Variants in LRRTM4 observed in about 807,000 individuals in gnomAD.
The protein encoded by LRRTM4 is leucine-rich repeat transmembrane neuronal protein 4.
LRRTM4 carries 25 observed loss-of-function variants against 47.6 expected under a neutral mutation model. The ratio of observed to expected loss-of-function variants is 0.53; its 90% CI spans 0.38 to 0.73. The LOEUF (loss-of-function observed/expected upper bound fraction) is 0.73, where lower values mean the gene tolerates loss of function less well. Ranked by LOEUF, LRRTM4 falls within the 30% of genes least tolerant of loss-of-function variation. The pLI is 0.00. For synonymous variants in LRRTM4, 311 were observed against 269.5 expected (o/e 1.15, Z -1.51); for missense variants, 638 against 713.4 (o/e 0.89, Z 1.20).
At chr2:76,959,217 A>T (rs541619306) in intron 3 of LRRTM4, among the ~76,000 whole-genome samples, 20 of 151,836 alleles carry the variant, frequency 1.3e-4, no homozygotes, top group African/African-American at 4.8e-4. Context: ...TCTTGGTAAG[A>T]TGTCAAATTT....
intron 3 of LRRTM4, among the ~76,000 whole-genome samples, chr2:77,045,998 T>C (rs1679222996): frequency 1.3e-5 from 2 of 152,008 alleles, no homozygotes; most frequent in African/African-American, 4.8e-5. Context: ...CTTTTTCTTT[T>C]AATTATATTA....
At chr2:76,913,309 A>AT (rs1041879785) in intron 3 of LRRTM4, among the ~76,000 whole-genome samples, 14 of 148,656 alleles carry the variant, frequency 9.4e-5, no homozygotes, top group South Asian at 2.1e-4. Context: ...ATTACTGGGT[A>AT]TTTTTTTTTC....
At chr2:76,781,714 C>A (rs1347665777) in intron 3 of LRRTM4, among the ~76,000 whole-genome samples, 2 of 152,072 alleles carry the variant, frequency 1.3e-5, no homozygotes, top group African/African-American at 4.8e-5. Context: ...CACCCGTCCT[C>A]TGCGTCGCTC....
chr2:77,183,223 C>T (rs1467779381), intron 3 of LRRTM4, among the ~76,000 whole-genome samples: 1 of 152,040 alleles, frequency 6.6e-6, no homozygotes, highest in Admixed American at 6.6e-5. Flanking sequence ...ACAATGAACT[C>T]CAACAAATTT....
At chr2:77,471,754 A>G (rs1158894215) in intron 3 of LRRTM4, among the ~76,000 whole-genome samples, 1 of 152,200 alleles carries the variant, frequency 6.6e-6, no homozygotes, top group African/African-American at 2.4e-5. Context: ...CTTTAGATAT[A>G]TAACACACAT....
chr2:76,970,812 T>G (rs910926700), intron 3 of LRRTM4, among the ~76,000 whole-genome samples: 1 of 152,066 alleles, frequency 6.6e-6, no homozygotes, highest in African/African-American at 2.4e-5. Flanking sequence ...TAGTGTGCCA[T>G]CTAAATGTCA....
intron 3 of LRRTM4, among the ~76,000 whole-genome samples, chr2:77,218,724 C>G (rs1463515366): frequency 2.0e-5 from 3 of 152,112 alleles, no homozygotes; most frequent in African/African-American, 7.2e-5. Flanking sequence ...GTATCTAATG[C>G]TGCATATCCA....
intron 3 of LRRTM4, among the ~76,000 whole-genome samples, chr2:76,853,639 A>G (rs184714993): frequency 3.1e-4 from 47 of 152,258 alleles, no homozygotes; most frequent in African/African-American, 1.1e-3. Context: ...GATAGAAAAA[A>G]AAATGTACCA....
intron 3 of LRRTM4, among the ~76,000 whole-genome samples, chr2:76,962,405 TTTG>T (rs1335570221): frequency 1.3e-5 from 2 of 151,190 alleles, no homozygotes; most frequent in East Asian, 3.9e-4. Context: ...TGCCTCAATT[TTTG>T]TTGTTTGCAT....
chr2:77,233,436 T>A (rs1401106116), intron 3 of LRRTM4, among the ~76,000 whole-genome samples: 1 of 152,170 alleles, frequency 6.6e-6, no homozygotes, highest in Admixed American at 6.5e-5. Flanking sequence ...TCTCAGTTAA[T>A]TTTTTAATAG....
intron 3 of LRRTM4, among the ~76,000 whole-genome samples, chr2:76,975,243 T>G (rs536833116): frequency 6.6e-6 from 1 of 151,842 alleles, no homozygotes; most frequent in East Asian, 2.0e-4. Context: ...GTGCTCTGTT[T>G]TTGCCATGCA....
chr2:76,941,305 C>T (rs1426244201), intron 3 of LRRTM4, among the ~76,000 whole-genome samples: 3 of 152,010 alleles, frequency 2.0e-5, no homozygotes, highest in African/African-American at 7.2e-5. Flanking sequence ...GTGTAAAACA[C>T]ATTTTATTTT....
intron 3 of LRRTM4, among the ~76,000 whole-genome samples, chr2:77,258,200 T>A (rs577247663): frequency 1.3e-5 from 2 of 151,432 alleles, no homozygotes; most frequent in African/African-American, 4.8e-5. Flanking sequence ...CACCACCAAA[T>A]GCTGGTGAGG....
At chr2:77,108,794 G>A (rs567403519) in intron 3 of LRRTM4, among the ~76,000 whole-genome samples, 41 of 151,732 alleles carry the variant, frequency 2.7e-4, no homozygotes, top group Middle Eastern at 6.8e-3. Context: ...CGTTTTAGCC[G>A]GGATGGTCTC....
At position 77,079,889 on chromosome 2, in the gene LRRTM4, T is replaced by C. The variant is rs547372740; in HGVS notation, c.1552-330973A>G. 3.9e-5 allele frequency among the ~76,000 whole-genome samples: 6 copies of C among 152,200 alleles called. No homozygotes were observed. In the South Asian group the frequency reaches 1.2e-3, roughly 32 times the overall value. On this transcript the variant is annotated intron_variant, in intron 3 of 3. Transcript: ENST00000409884. ...AAAATGATTTCTACAATTAAAACAT[T>C]TTAAATTTAATTTTATATATACATT...
At chr2:77,179,374 T>G (rs1015536953) in intron 3 of LRRTM4, among the ~76,000 whole-genome samples, 21 of 152,184 alleles carry the variant, frequency 1.4e-4, no homozygotes, top group Non-Finnish European at 7.3e-5. Context: ...TCAGAATAAA[T>G]GTACTTACAG....
In LRRTM4 at chr2:77,099,804, G is replaced by C. The variant is rs531991252; in HGVS notation, c.1552-350888C>G. On this transcript the variant is annotated intron_variant, in intron 3 of 3. Coordinates refer to ENST00000409884, the MANE Select transcript of LRRTM4 (RefSeq NM_001134745.3). ...TGGAAATTGCATATTAATCTTCAAA[G>C]TATTTGAATATAATAAAAATTACCT... is the stretch of plus-strand genomic sequence containing the variant. Among the ~76,000 whole-genome samples, 45 of 151,914 alleles carry C rather than the reference G, an allele frequency of 3.0e-4. 1 individual carries two copies. In the Middle Eastern group the frequency reaches 0.01, roughly 34 times the overall value.
intron 3 of LRRTM4, among the ~76,000 whole-genome samples, chr2:77,453,942 T>G (rs1183573079): frequency 6.6e-6 from 1 of 152,172 alleles, no homozygotes; most frequent in Non-Finnish European, 1.5e-5. Flanking sequence ...GCAATTTCTT[T>G]TCTGGTTTAC....
intron 3 of LRRTM4, among the ~76,000 whole-genome samples, chr2:77,017,707 G>T (rs562942007): frequency 6.6e-6 from 1 of 152,002 alleles, no homozygotes; most frequent in Non-Finnish European, 1.5e-5. Context: ...TAGTCATTAC[G>T]ATATCTAAAA....
Sources: allele counts gnomAD v4.1 joint callset (sites outside exome capture counted in the v4.1 genomes callset), GRCh38; gene constraint gnomAD v4.1.1; transcripts MANE v1.5; gene names NCBI Gene and HGNC (gene_info 2026-07-23, HGNC 2026-07-21).